Variants in GRID2 observed in about 807,000 individuals in gnomAD.
GRID2 encodes the protein glutamate receptor ionotropic, delta-2.
A neutral mutation model predicts 114.8 loss-of-function variants in GRID2; 33 were observed. That is an observed-to-expected ratio of 0.29 (90% CI 0.22 to 0.38). The LOEUF (loss-of-function observed/expected upper bound fraction) is 0.38, where lower values mean the gene tolerates loss of function less well. GRID2 is among the 10% of genes least tolerant of loss of function. GRID2 has a pLI of 1.00. For synonymous variants in GRID2, 505 were observed against 449.9 expected (o/e 1.12, Z -1.55); for missense variants, 1,184 against 1,257.7 (o/e 0.94, Z 0.89).
chr4:93,375,362 A>G (rs573120587), intron 8 of GRID2, among the ~76,000 whole-genome samples: 124 of 151,628 alleles, frequency 8.2e-4, no homozygotes, highest in Middle Eastern at 3.4e-3. Context: ...ACAGGCACTC[A>G]CCACCACGCC....
intron 14 of GRID2, among the ~76,000 whole-genome samples, chr4:93,658,972 T>TC (rs1263876576): frequency 3.9e-5 from 6 of 151,988 alleles, no homozygotes; most frequent in African/African-American, 1.2e-4. Context: ...CTGGGGAGAC[T>TC]CCAGGGCCCT....
intron 2 of GRID2, among the ~76,000 whole-genome samples, chr4:92,764,711 C>G (rs1249753521): frequency 6.6e-6 from 1 of 152,108 alleles, no homozygotes; most frequent in Non-Finnish European, 1.5e-5. Context: ...AAGACATGAG[C>G]AGGATCCATG....
intron 8 of GRID2, among the ~76,000 whole-genome samples, chr4:93,258,096 A>G (rs1364965534): frequency 1.3e-5 from 2 of 151,046 alleles, no homozygotes; most frequent in East Asian, 1.9e-4. Flanking sequence ...GTAATACTAT[A>G]ATCAATTGCA....
intron 4 of GRID2, among the ~76,000 whole-genome samples, chr4:93,155,438 G>C (rs992239357): frequency 1.3e-5 from 2 of 151,772 alleles, no homozygotes; most frequent in African/African-American, 2.4e-5. Flanking sequence ...AATCTGTCTT[G>C]ACTCCTATTT....
intron 5 of GRID2, among the ~76,000 whole-genome samples, chr4:93,209,377 G>A (rs1339804611): frequency 6.6e-6 from 1 of 151,976 alleles, no homozygotes; most frequent in East Asian, 1.9e-4. Context: ...GCGTTAGTTC[G>A]CTGAGGAAAA....
At chr4:93,591,480 G>A (rs1403016743) in intron 13 of GRID2, among the ~76,000 whole-genome samples, 3 of 152,084 alleles carry the variant, frequency 2.0e-5, no homozygotes, top group Non-Finnish European at 4.4e-5. Context: ...GAGGATTTTT[G>A]CATCAATGTT....
intron 2 of GRID2, among the ~76,000 whole-genome samples, chr4:92,930,546 G>C (rs989467593): frequency 1.4e-5 from 2 of 147,822 alleles, no homozygotes; most frequent in African/African-American, 5.0e-5. Flanking sequence ...TTAGGCAATT[G>C]GAAAGATTCT....
intron 8 of GRID2, among the ~76,000 whole-genome samples, chr4:93,286,912 A>T (rs1267379996): frequency 2.6e-5 from 4 of 152,238 alleles, no homozygotes; most frequent in African/African-American, 9.6e-5. Context: ...ATATAGAAAA[A>T]TTAGAATAAT....
intron 13 of GRID2, among the ~76,000 whole-genome samples, chr4:93,539,436 A>G (rs942724359): frequency 6.6e-6 from 1 of 151,942 alleles, no homozygotes; most frequent in Non-Finnish European, 1.5e-5. Context: ...CTCCTTTCAT[A>G]ATGTTCAAAT....
At chr4:92,448,062 A>G (rs184335262) in intron 1 of GRID2, among the ~76,000 whole-genome samples, 5 of 152,324 alleles carry the variant, frequency 3.3e-5, no homozygotes, top group Non-Finnish European at 5.9e-5. Flanking sequence ...GTAAACTTAC[A>G]TGAAATGACC....
At chr4:92,613,357 A>G (rs1186282494) in intron 2 of GRID2, among the ~76,000 whole-genome samples, 2 of 151,466 alleles carry the variant, frequency 1.3e-5, no homozygotes, top group African/African-American at 2.4e-5. Flanking sequence ...ATCTGTATTC[A>G]TGAGATATAT....
At chr4:93,190,003 A>G (rs540380172) in intron 4 of GRID2, among the ~76,000 whole-genome samples, 2 of 152,258 alleles carry the variant, frequency 1.3e-5, no homozygotes, top group South Asian at 2.1e-4. Context: ...TCTTTGGATG[A>G]GCATATTTAC....
intron 3 of GRID2, among the ~76,000 whole-genome samples, chr4:93,100,644 G>T (rs982827820): frequency 4.6e-5 from 7 of 151,964 alleles, no homozygotes; most frequent in African/African-American, 1.7e-4. Context: ...TTGGCATTCT[G>T]CCATAATTTC....
intron 1 of GRID2, among the ~76,000 whole-genome samples, chr4:92,467,044 A>C (rs1337643575): frequency 6.6e-6 from 1 of 151,846 alleles, no homozygotes; most frequent in African/African-American, 2.4e-5. Flanking sequence ...AGTTATTACT[A>C]TTAGAGAACA....
At chr4:93,311,385 A>G (rs1285156481) in intron 8 of GRID2, among the ~76,000 whole-genome samples, 1 of 152,188 alleles carries the variant, frequency 6.6e-6, no homozygotes, top group East Asian at 1.9e-4. Flanking sequence ...CAACTTGCTT[A>G]GGTCAGGGTA....
At chr4:92,677,791 GC>G (rs1307490687) in intron 2 of GRID2, among the ~76,000 whole-genome samples, 2 of 151,936 alleles carry the variant, frequency 1.3e-5, no homozygotes, top group African/African-American at 4.8e-5. Flanking sequence ...TAGGTGGCAA[GC>G]TTTTGTTTGT....
At chr4:92,736,251 C>A (rs965841487) in intron 2 of GRID2, among the ~76,000 whole-genome samples, 2 of 151,822 alleles carry the variant, frequency 1.3e-5, no homozygotes, top group African/African-American at 2.4e-5. Flanking sequence ...GTGGAGGAGG[C>A]CTGTGGATGA....
intron 8 of GRID2, among the ~76,000 whole-genome samples, chr4:93,358,225 T>C (rs1424590003): frequency 6.6e-6 from 1 of 151,884 alleles, no homozygotes; most frequent in Non-Finnish European, 1.5e-5. Context: ...CTATATTAAA[T>C]GTTTTGTTTT....
intron 14 of GRID2, among the ~76,000 whole-genome samples, chr4:93,683,493 C>G (rs1460844736): frequency 6.6e-6 from 1 of 151,990 alleles, no homozygotes; most frequent in East Asian, 1.9e-4. Context: ...GATTTTGGTT[C>G]TTTCTTGAAA....
Sources: gnomAD v4.1 joint callset for allele counts (sites outside exome capture counted in the v4.1 genomes callset) on GRCh38, gnomAD v4.1.1 for gene constraint, MANE v1.5 for transcripts, NCBI Gene and HGNC (gene_info 2026-07-23, HGNC 2026-07-21) for gene names.